PLCE1: variants seen among roughly 807,000 people sequenced by gnomAD.
PLCE1 encodes the protein phospholipase C epsilon 1.
Under a neutral mutation model 242.8 loss-of-function variants are expected in PLCE1, and 119 were observed. The observed-to-expected ratio is 0.49, with a 90% confidence interval of 0.42 to 0.57. The LOEUF (loss-of-function observed/expected upper bound fraction) is 0.57, where lower values mean the gene tolerates loss of function less well. Among genes scored for constraint, PLCE1 ranks in the 20% least tolerant of loss-of-function variants. PLCE1 has a pLI of 0.00. For missense variants in PLCE1, 2,441 were observed against 2,788.8 expected, an observed-to-expected ratio of 0.88 and a Z score of 2.81; for synonymous variants, 945 against 1,017.4, an observed-to-expected ratio of 0.93 and a Z score of 1.35.
Position 94,000,739 on chromosome 10 carries a change from T to C in PLCE1, c.-365+6481T>C, listed in dbSNP as rs562334997. On this transcript the variant is annotated intron_variant, in intron 1 of 32. Coordinates refer to ENST00000371380, the MANE Select transcript of PLCE1 (RefSeq NM_016341.4). The stretch of plus-strand genomic sequence containing the variant: ...CCCCAGCTGCCACTGAAATAGCCAC[T>C]GTCCTTGTCCATAGGTGACTTCATA... Among the ~76,000 whole-genome samples, 13 of 152,332 alleles carry C rather than the reference T, an allele frequency of 8.5e-5. No homozygotes were observed. In the East Asian group the frequency reaches 2.5e-3, roughly 29 times the overall value.
chr10:94,319,244 A>AT (rs2053689550), intron 29 of PLCE1, among the ~76,000 whole-genome samples: 1 of 152,198 alleles, frequency 6.6e-6, no homozygotes, highest in African/African-American at 2.4e-5. Flanking sequence ...AATGACTGAA[A>AT]TATATCTCAA....
intron 1 of PLCE1, among the ~76,000 whole-genome samples, chr10:94,018,770 T>G (rs143907176): frequency 3.3e-4 from 51 of 152,328 alleles, no homozygotes; most frequent in African/African-American, 9.4e-4. Context: ...CTTTCTCTTC[T>G]TGTGAACTAA....
chr10:94,260,618 T>A (rs890956225), intron 13 of PLCE1, among the ~76,000 whole-genome samples: 1 of 151,592 alleles, frequency 6.6e-6, no homozygotes, highest in African/African-American at 2.4e-5. Context: ...TTCTATTATA[T>A]TTTATTATTT....
At chr10:94,195,091 G>A (rs1203621908) in intron 4 of PLCE1, among the ~76,000 whole-genome samples, 1 of 151,996 alleles carries the variant, frequency 6.6e-6, no homozygotes, top group Admixed American at 6.6e-5. Flanking sequence ...ACACTCTTTG[G>A]CCCAGAATGT....
intron 2 of PLCE1, among the ~76,000 whole-genome samples, chr10:94,126,293 T>TATATA (rs2135835894): frequency 6.6e-6 from 1 of 152,350 alleles, no homozygotes; most frequent in African/African-American, 2.4e-5. Context: ...TATAGTTCTC[T>TATATA]ATATAAAGCC....
chr10:94,120,791 T>C (rs1299828296), intron 2 of PLCE1: 2 of 151,898 alleles, frequency 1.3e-5, no homozygotes, highest in Non-Finnish European at 2.9e-5. Flanking sequence ...ACATTGTGAA[T>C]AAAGGGAAGA....
chr10:94,177,485 T>G (rs1460811737), intron 4 of PLCE1, among the ~76,000 whole-genome samples: 1 of 152,206 alleles, frequency 6.6e-6, no homozygotes, highest in African/African-American at 2.4e-5. Context: ...CTTTGCTTAG[T>G]TTGAGAGACA....
chr10:94,021,797 C>A (rs941070643), intron 1 of PLCE1, among the ~76,000 whole-genome samples: 3 of 151,918 alleles, frequency 2.0e-5, no homozygotes, highest in Admixed American at 1.3e-4. Flanking sequence ...CGATGTTAAC[C>A]TATTAAGAGA....
chr10:94,036,590 T>A (rs1341164174), intron 2 of PLCE1, among the ~76,000 whole-genome samples: 1 of 152,164 alleles, frequency 6.6e-6, no homozygotes, highest in Non-Finnish European at 1.5e-5. Context: ...TCATAAGAAA[T>A]TAAAACCCTA....
At chr10:94,026,873 C>T (rs1228511176) in intron 1 of PLCE1, among the ~76,000 whole-genome samples, 2 of 152,108 alleles carry the variant, frequency 1.3e-5, no homozygotes, top group Non-Finnish European at 2.9e-5. Context: ...AGCTGCCAGA[C>T]CTTGGTTGTT....
At chr10:94,126,616 T>C (rs896671652) in intron 2 of PLCE1, among the ~76,000 whole-genome samples, 4 of 152,200 alleles carry the variant, frequency 2.6e-5, no homozygotes, top group African/African-American at 9.7e-5. Context: ...TTGTGATGTG[T>C]TGGATTTTGT....
intron 29 of PLCE1, among the ~76,000 whole-genome samples, chr10:94,319,312 T>C (rs761550021): frequency 4.6e-5 from 7 of 152,202 alleles, no homozygotes; most frequent in Admixed American, 1.3e-4. Flanking sequence ...ACCCAAATAA[T>C]AATTGCTGAT....
chr10:94,170,671 A>G (rs1047400827), intron 3 of PLCE1, among the ~76,000 whole-genome samples: 2 of 152,194 alleles, frequency 1.3e-5, no homozygotes, highest in African/African-American at 4.8e-5. Flanking sequence ...GTTGGCAGAG[A>G]ATACCATGAC....
At chr10:94,212,457 C>T (rs957627382) in intron 4 of PLCE1, among the ~76,000 whole-genome samples, 1 of 152,172 alleles carries the variant, frequency 6.6e-6, no homozygotes. Context: ...AGGGTTTCAC[C>T]GTGTTAGCCA....
At chr10:94,086,623 C>T (rs905008996) in intron 2 of PLCE1, among the ~76,000 whole-genome samples, 14 of 152,202 alleles carry the variant, frequency 9.2e-5, no homozygotes, top group Admixed American at 5.2e-4. Flanking sequence ...CTCTGCAGTG[C>T]CCAGCACGGA....
intron 22 of PLCE1, among the ~76,000 whole-genome samples, chr10:94,292,234 T>C (rs1360848213): frequency 6.6e-6 from 1 of 152,184 alleles, no homozygotes; most frequent in African/African-American, 2.4e-5. Flanking sequence ...TAATAACAGC[T>C]ACTATGGACT....
chr10:94,018,619 T>C (rs1166903462), intron 1 of PLCE1, among the ~76,000 whole-genome samples: 1 of 152,238 alleles, frequency 6.6e-6, no homozygotes, highest in Non-Finnish European at 1.5e-5. Context: ...GCACAATTAG[T>C]ATGCTTACAA....
Position 94,069,613 on chromosome 10 carries a change from AAAAC to A in PLCE1, c.1206+37385_1206+37388del, listed in dbSNP as rs555901072. ...GGGCAACAGAGTGAGACTCTGTCTA[AAAAC>A]AAACAAACAAACAAACAAACAAATA... On this transcript the variant is annotated intron_variant, in intron 2 of 32. Coordinates refer to ENST00000371380, the MANE Select transcript of PLCE1 (RefSeq NM_016341.4). 1.7e-3 allele frequency among the ~76,000 whole-genome samples: 253 copies of A among 152,154 alleles called. 1 individual carries two copies. Among genetic ancestry groups the A allele is most frequent in the African/African-American group, 4.2e-3 (173 of 41,470 alleles).
At chr10:94,089,398 G>A (rs1180212910) in intron 2 of PLCE1, 2 of 1,551,696 alleles carry the variant, frequency 1.3e-6, no homozygotes, top group African/African-American at 2.7e-5. Context: ...TGTTGTCTAA[G>A]AAATCCCCCA....
Sources: allele counts gnomAD v4.1 joint callset (sites outside exome capture counted in the v4.1 genomes callset), GRCh38; gene constraint gnomAD v4.1.1; transcripts MANE v1.5; gene names NCBI Gene and HGNC (gene_info 2026-07-23, HGNC 2026-07-21).